PKNOX2: variants seen among roughly 807,000 people sequenced by gnomAD.
PKNOX2 encodes the protein homeobox protein PKNOX2.
Under a neutral mutation model 53.1 loss-of-function variants are expected in PKNOX2, and 14 were observed. That is an observed-to-expected ratio of 0.26 (90% CI 0.17 to 0.41). The LOEUF (loss-of-function observed/expected upper bound fraction) is 0.41, where lower values mean the gene tolerates loss of function less well. Ranked by LOEUF, PKNOX2 falls within the 10% of genes least tolerant of loss-of-function variation. The pLI is 1.00. For synonymous variants in PKNOX2, 257 were observed against 242.8 expected, an observed-to-expected ratio of 1.06 and a Z score of -0.54; for missense variants, 496 against 602.8, an observed-to-expected ratio of 0.82 and a Z score of 1.85.
At chr11:125,315,268 A>G (rs532512935) in intron 2 of PKNOX2, among the ~76,000 whole-genome samples, 6 of 141,626 alleles carry the variant, frequency 4.2e-5, no homozygotes, top group African/African-American at 1.3e-4. Context: ...CCCTGCCAGG[A>G]TGCTCAAACA....
At chr11:125,424,521 GC>G (rs1956315949) in intron 10 of PKNOX2, among the ~76,000 whole-genome samples, 1 of 152,130 alleles carries the variant, frequency 6.6e-6, no homozygotes, top group Non-Finnish European at 1.5e-5. Context: ...GCTGGCAGCA[GC>G]CCATGGCCCC....
chr11:125,341,843 G>A (rs1015867658), intron 3 of PKNOX2, among the ~76,000 whole-genome samples: 1 of 152,258 alleles, frequency 6.6e-6, no homozygotes, highest in Non-Finnish European at 1.5e-5. Flanking sequence ...ACGTCCTCTC[G>A]CATCATGGCT....
chr11:125,215,460 G>A (rs1033459452), intron 1 of PKNOX2, among the ~76,000 whole-genome samples: 4 of 152,106 alleles, frequency 2.6e-5, no homozygotes, highest in Admixed American at 1.3e-4. Context: ...GATATAAACT[G>A]CTATTTCCAT....
chr11:125,300,605 AAGAG>A (rs1310208627), intron 2 of PKNOX2, among the ~76,000 whole-genome samples: 2 of 152,098 alleles, frequency 1.3e-5, no homozygotes, highest in African/African-American at 2.4e-5. Context: ...GAGAGACAGA[AAGAG>A]AGAGACAGAG....
chr11:125,196,135 G>A (rs1034072255), intron 1 of PKNOX2, among the ~76,000 whole-genome samples: 3 of 152,162 alleles, frequency 2.0e-5, no homozygotes, highest in African/African-American at 7.2e-5. Flanking sequence ...TGCACACAAA[G>A]CATGGAGCTG....
chr11:125,238,130 C>G (rs1201495444), intron 2 of PKNOX2, among the ~76,000 whole-genome samples: 2 of 152,166 alleles, frequency 1.3e-5, no homozygotes, highest in African/African-American at 4.8e-5. Flanking sequence ...GGAAGAGGAT[C>G]TGAATGTCCT....
intron 3 of PKNOX2, among the ~76,000 whole-genome samples, chr11:125,345,667 A>C (rs1352332773): frequency 6.6e-6 from 1 of 152,212 alleles, no homozygotes; most frequent in Non-Finnish European, 1.5e-5. Flanking sequence ...AGTTGCCAGC[A>C]GAGCAGACCT....
chr11:125,260,539 C>T (rs1944771162), intron 2 of PKNOX2, among the ~76,000 whole-genome samples: 1 of 152,048 alleles, frequency 6.6e-6, no homozygotes, highest in African/African-American at 2.4e-5. Context: ...TTGATGCTCA[C>T]ATAGGTTGGG....
chr11:125,298,477 G>C (rs1947805879), intron 2 of PKNOX2, among the ~76,000 whole-genome samples: 1 of 152,152 alleles, frequency 6.6e-6, no homozygotes, highest in South Asian at 2.1e-4. Flanking sequence ...TCTAAAACTG[G>C]ACTGAGCTCC....
intron 2 of PKNOX2, among the ~76,000 whole-genome samples, chr11:125,296,729 G>A (rs535550708): frequency 6.6e-6 from 1 of 152,172 alleles, no homozygotes; most frequent in African/African-American, 2.4e-5. Flanking sequence ...TCTGTCTCCT[G>A]GGTTCAAGCG....
rs140822074 is a variant in PKNOX2 at position 125,409,627 on chromosome 11, T to C, written c.589-569T>C. On this transcript the variant is annotated intron_variant, in intron 7 of 12. Coordinates refer to ENST00000298282, the MANE Select transcript of PKNOX2 (RefSeq NM_001382323.2). ...GCTGCTCTGTGTGTGCAGCCTAGTG[T>C]GACAGGCCTGTGATGGAGGTGTGTG... Among the ~76,000 whole-genome samples, 99 of 152,210 alleles carry C rather than the reference T, an allele frequency of 6.5e-4. 2 individuals are homozygous for C. The East Asian group carries it at 0.018, about 27-fold the overall frequency.
intron 1 of PKNOX2, among the ~76,000 whole-genome samples, chr11:125,234,595 G>T (rs1591490167): frequency 6.6e-6 from 1 of 152,142 alleles, no homozygotes; most frequent in Admixed American, 6.5e-5. Flanking sequence ...TCGTTTGCTT[G>T]CCTTTTGCAG....
At chr11:125,264,572 G>A (rs191436864) in intron 2 of PKNOX2, among the ~76,000 whole-genome samples, 1 of 152,038 alleles carries the variant, frequency 6.6e-6, no homozygotes, top group African/African-American at 2.4e-5. Context: ...GAGCATTCTC[G>A]GGTGGGGTGG....
chr11:125,383,658 C>G (rs965326790), intron 5 of PKNOX2, among the ~76,000 whole-genome samples: 1 of 152,076 alleles, frequency 6.6e-6, no homozygotes, highest in African/African-American at 2.4e-5. Context: ...ATGGTAGTCA[C>G]TAGCCACATG....
intron 2 of PKNOX2, among the ~76,000 whole-genome samples, chr11:125,322,175 C>T (rs2136066584): frequency 6.6e-6 from 1 of 151,974 alleles, no homozygotes; most frequent in South Asian, 2.1e-4. Flanking sequence ...CATGAAAGGT[C>T]TCGAATACCT....
intron 2 of PKNOX2, among the ~76,000 whole-genome samples, chr11:125,306,801 T>C (rs1230618921): frequency 1.3e-5 from 2 of 152,332 alleles, no homozygotes; most frequent in African/African-American, 4.8e-5. Context: ...CCATGGGCTC[T>C]CTGGGGACTG....
chr11:125,390,068 G>T (rs73027828), intron 6 of PKNOX2, among the ~76,000 whole-genome samples: 5,205 of 152,274 alleles, frequency 0.034, 101 homozygotes, highest in Middle Eastern at 0.068. Flanking sequence ...GGCTCTCTTT[G>T]CCTAGACAGG....
chr11:125,364,408 C>G (rs986381312), intron 4 of PKNOX2, among the ~76,000 whole-genome samples: 1 of 152,190 alleles, frequency 6.6e-6, no homozygotes, highest in African/African-American at 2.4e-5. Flanking sequence ...GGCAAGTGAC[C>G]ATTTTTGATT....
At chr11:125,224,268 T>C (rs988607626) in intron 1 of PKNOX2, among the ~76,000 whole-genome samples, 33 of 152,342 alleles carry the variant, frequency 2.2e-4, no homozygotes, top group African/African-American at 7.7e-4. Flanking sequence ...ACAAGCTCTG[T>C]GGCTGGCAGG....
Sources: gnomAD v4.1 joint callset for allele counts (sites outside exome capture counted in the v4.1 genomes callset) on GRCh38, gnomAD v4.1.1 for gene constraint, MANE v1.5 for transcripts, NCBI Gene and HGNC (gene_info 2026-07-23, HGNC 2026-07-21) for gene names.